The following DCHS2 variants were observed in gnomAD, a reference collection of about 807,000 sequenced individuals.
DCHS2 encodes dachsous cadherin-related 2.
A neutral mutation model predicts 182.4 loss-of-function variants in DCHS2; 142 were observed. The observed-to-expected ratio is 0.78, with a 90% confidence interval of 0.68 to 0.89. DCHS2 has a LOEUF of 0.89. Among genes scored for constraint, DCHS2 ranks in the 40% least tolerant of loss-of-function variants. The pLI is 0.00. For missense variants in DCHS2, 4,319 were observed against 4,198.6 expected (o/e 1.03, Z -0.79); for synonymous variants, 1,740 against 1,663.3 (o/e 1.05, Z -1.12).
At chr4:154,394,350 C>T (rs1238353388) in intron 1 of DCHS2, among the ~76,000 whole-genome samples, 6 of 152,168 alleles carry the variant, frequency 3.9e-5, no homozygotes, top group Non-Finnish European at 8.8e-5. Flanking sequence ...ACAAGGCCCC[C>T]CTCAGGAGTC....
chr4:154,343,497 A>C (rs151039101), intron 3 of DCHS2: 9 of 1,484,000 alleles, frequency 6.1e-6, no homozygotes, highest in Middle Eastern at 1.7e-4. Flanking sequence ...TAGATTTGCT[A>C]CATACCTTGC....
intron 10 of DCHS2, among the ~76,000 whole-genome samples, chr4:154,309,666 G>A (rs1383303345): frequency 6.6e-6 from 1 of 152,150 alleles, no homozygotes; most frequent in Non-Finnish European, 1.5e-5. Flanking sequence ...TCAGGTAACA[G>A]GGACTCTGAG....
At chr4:154,357,837 T>C (rs577637405) in intron 3 of DCHS2, among the ~76,000 whole-genome samples, 7 of 152,282 alleles carry the variant, frequency 4.6e-5, no homozygotes, top group Non-Finnish European at 8.8e-5. Flanking sequence ...ACTTAAATAC[T>C]CTTTGCACCT....
intron 13 of DCHS2, among the ~76,000 whole-genome samples, chr4:154,289,479 T>A (rs760356528): frequency 6.6e-6 from 1 of 152,052 alleles, no homozygotes; most frequent in Admixed American, 6.6e-5. Flanking sequence ...CAGGACCTGA[T>A]GACTTTACTG....
chr4:154,356,370 G>C (rs921763890), intron 3 of DCHS2, among the ~76,000 whole-genome samples: 2 of 151,052 alleles, frequency 1.3e-5, no homozygotes, highest in Admixed American at 6.6e-5. Context: ...AGTTTATAAA[G>C]TTAAAAAATT....
chr4:154,411,168 C>A (rs1362244979), intron 1 of DCHS2, among the ~76,000 whole-genome samples: 2 of 152,096 alleles, frequency 1.3e-5, no homozygotes, highest in African/African-American at 4.8e-5. Flanking sequence ...CACTTATATG[C>A]AAAATCCTTT....
chr4:154,420,253 A>ATAGATAGAT (rs912372238), intron 1 of DCHS2, among the ~76,000 whole-genome samples: 1 of 138,388 alleles, frequency 7.2e-6, no homozygotes, highest in African/African-American at 2.7e-5. Flanking sequence ...AGACAGATAG[A>ATAGATAGAT]TAGATAGATA....
chr4:154,329,182 C>T (rs1736411168), intron 6 of DCHS2, among the ~76,000 whole-genome samples: 2 of 152,198 alleles, frequency 1.3e-5, no homozygotes, highest in South Asian at 4.1e-4. Flanking sequence ...GTATCAATTG[C>T]CGTTAAGAAG....
chr4:154,257,230 G>A lies in DCHS2; in HGVS notation c.6790-1560C>T, dbSNP rs536151115. ...GCCCCCACACTCCAGCCTGGCGACA[G>A]AGCGAGACTTCGTCTCAAAAAAAAA... On this transcript the variant is annotated intron_variant, in intron 15 of 19. Transcript: ENST00000357232. Among the ~76,000 whole-genome samples, 4 of 152,258 alleles carry A rather than the reference G, an allele frequency of 2.6e-5. No individual in the cohort carries two copies. In the East Asian group the frequency reaches 7.7e-4, roughly 29 times the overall value.
intron 1 of DCHS2, among the ~76,000 whole-genome samples, chr4:154,431,056 T>A (rs113461738): frequency 0.011 from 1,681 of 152,316 alleles, 23 homozygotes; most frequent in Middle Eastern, 0.027. Context: ...GCTGTCTACA[T>A]GTTTATGTGT....
At chr4:154,282,708 A>G (rs766637175) in intron 13 of DCHS2, among the ~76,000 whole-genome samples, 1 of 152,124 alleles carries the variant, frequency 6.6e-6, no homozygotes, top group Non-Finnish European at 1.5e-5. Flanking sequence ...CAGGATCTCA[A>G]AGGGATATTA....
intron 13 of DCHS2, among the ~76,000 whole-genome samples, chr4:154,282,513 A>AC (rs1734194866): frequency 6.6e-6 from 1 of 151,968 alleles, no homozygotes; most frequent in African/African-American, 2.4e-5. Context: ...TAAAAAAAAA[A>AC]CAGAAAATAA....
At chr4:154,331,484 T>A in intron 5 of DCHS2, 4 of 1,340,724 alleles carry the variant, frequency 3.0e-6, no homozygotes, top group Non-Finnish European at 4.0e-6. Context: ...GCAGCAGGAG[T>A]CTCAGTTTAG....
At chr4:154,430,092 T>C (rs1312460008) in intron 1 of DCHS2, among the ~76,000 whole-genome samples, 1 of 152,184 alleles carries the variant, frequency 6.6e-6, no homozygotes, top group East Asian at 1.9e-4. Context: ...ATGATCTCTG[T>C]CCTTAGCACT....
chr4:154,390,477 C>T (rs1224698077), intron 1 of DCHS2, among the ~76,000 whole-genome samples: 2 of 151,562 alleles, frequency 1.3e-5, no homozygotes, highest in Non-Finnish European at 2.9e-5. Flanking sequence ...TCAAAAGTTA[C>T]CTCACTTTTA....
intron 13 of DCHS2, among the ~76,000 whole-genome samples, chr4:154,293,029 A>C (rs1734735883): frequency 6.6e-6 from 1 of 151,758 alleles, no homozygotes; most frequent in African/African-American, 2.4e-5. Context: ...TATTTGATCA[A>C]CTCCTGTAAA....
At chr4:154,339,383 A>T (rs922693954) in intron 3 of DCHS2, among the ~76,000 whole-genome samples, 4 of 152,206 alleles carry the variant, frequency 2.6e-5, no homozygotes, top group African/African-American at 9.6e-5. Context: ...AACAGTGTTT[A>T]ATCAGCTATC....
chr4:154,438,271 A>T (rs1173013329), intron 1 of DCHS2, among the ~76,000 whole-genome samples: 2 of 152,178 alleles, frequency 1.3e-5, no homozygotes, highest in African/African-American at 4.8e-5. Flanking sequence ...GATAATAAAG[A>T]GCTTGGAAGG....
intron 16 of DCHS2, among the ~76,000 whole-genome samples, chr4:154,246,633 C>A (rs928832313): frequency 3.9e-5 from 6 of 151,974 alleles, no homozygotes; most frequent in Admixed American, 3.9e-4. Context: ...TAAAACAATT[C>A]TAATTAATAC....
Sources: gnomAD v4.1 joint callset for allele counts (sites outside exome capture counted in the v4.1 genomes callset) on GRCh38, gnomAD v4.1.1 for gene constraint, MANE v1.5 for transcripts, NCBI Gene and HGNC (gene_info 2026-07-23, HGNC 2026-07-21) for gene names.